STXBP5L: variants seen among roughly 807,000 people sequenced by gnomAD.
The protein encoded by STXBP5L is syntaxin-binding protein 5-like.
STXBP5L carries 65 observed loss-of-function variants against 144.5 expected under a neutral mutation model. The ratio of observed to expected loss-of-function variants is 0.45; its 90% CI spans 0.37 to 0.55. STXBP5L has a LOEUF of 0.55. STXBP5L is among the 20% of genes least tolerant of loss of function. STXBP5L has a pLI of 0.00. For missense variants in STXBP5L, 1,298 were observed against 1,405.5 expected (o/e 0.92, Z 1.22); for synonymous variants, 505 against 469.6 (o/e 1.08, Z -0.97).
rs571536242 is a variant in STXBP5L at position 121,415,842 on chromosome 3, G to A, written c.3115-15G>A. 2 of 1,562,950 alleles carry A rather than the reference G, an allele frequency of 1.3e-6. No homozygotes were observed. The highest frequency in any genetic ancestry group is 2.7e-5 in the African/African-American group (2 of 73,118). On this transcript the variant is annotated splice_polypyrimidine_tract_variant and intron_variant, in intron 24 of 26. Coordinates refer to ENST00000471454, the MANE Select transcript of STXBP5L (RefSeq NM_001308330.2). ...TTTAGTTGTTCTAATGCTTTTTTCT[G>A]TGAATTTGATGCAGGACATGCTAGG...
In STXBP5L at chr3:121,407,432, C is replaced by T. The variant is rs1181975396; in HGVS notation, c.2777C>T (p.Thr926Ile). ...CAAGAAATAGGAGATCATCAGTATA[C>T]AATAATCTGCTCAGAAAAACAAGCC... is the stretch of plus-strand genomic sequence containing the variant. Reference protein sequence around the residue: ...ASQEIGDHQYTIICSEKQAKV... With the variant: ...ASQEIGDHQYIIICSEKQAKV... Residue 926 changes from threonine to isoleucine, a missense_variant, in exon 23 of 27, where the codon ACA becomes ATA. Coordinates refer to ENST00000471454, the MANE Select transcript of STXBP5L (RefSeq NM_001308330.2). 1.2e-6 allele frequency: 2 copies of T among 1,613,252 alleles called. No individual in the cohort carries two copies. Among genetic ancestry groups the T allele is most frequent in the South Asian group, 1.1e-5 (1 of 91,064 alleles).
intron 5 of STXBP5L, among the ~76,000 whole-genome samples, chr3:121,095,075 G>C (rs955871956): frequency 5.3e-5 from 8 of 152,046 alleles, no homozygotes; most frequent in African/African-American, 1.4e-4. Flanking sequence ...TGAAATTCTG[G>C]GTTGAAAATT....
chr3:121,198,026 G>C (rs1394184004), intron 9 of STXBP5L, among the ~76,000 whole-genome samples: 2 of 152,132 alleles, frequency 1.3e-5, no homozygotes, highest in Non-Finnish European at 2.9e-5. Context: ...TGGGATTGCT[G>C]GGTCAAATGG....
intron 3 of STXBP5L, among the ~76,000 whole-genome samples, chr3:120,962,686 A>G (rs986735717): frequency 1.3e-5 from 2 of 152,126 alleles, no homozygotes; most frequent in African/African-American, 2.4e-5. Context: ...GTAGCCTTGT[A>G]GTATAGTTTG....
intron 25 of STXBP5L, among the ~76,000 whole-genome samples, chr3:121,416,982 C>CA (rs1284148885): frequency 6.6e-6 from 1 of 151,942 alleles, no homozygotes; most frequent in East Asian, 1.9e-4. Context: ...ATTATTTGGC[C>CA]ATGAAAAGGA....
At chr3:121,002,891 T>A (rs1045836421) in intron 3 of STXBP5L, among the ~76,000 whole-genome samples, 4 of 152,194 alleles carry the variant, frequency 2.6e-5, no homozygotes, top group Admixed American at 2.6e-4. Context: ...GAACTCATCA[T>A]TTTTTATGGC....
chr3:121,388,824 TTCA>T (rs2046496571), intron 22 of STXBP5L, among the ~76,000 whole-genome samples: 1 of 152,242 alleles, frequency 6.6e-6, no homozygotes, highest in Admixed American at 6.5e-5. Context: ...CACATCGATG[TTCA>T]TCACAGATAT....
At chr3:121,399,324 G>C (rs2046813780) in intron 22 of STXBP5L, among the ~76,000 whole-genome samples, 1 of 152,166 alleles carries the variant, frequency 6.6e-6, no homozygotes, top group African/African-American at 2.4e-5. Context: ...CATTGCTCCA[G>C]TGACCCTTCA....
intron 3 of STXBP5L, among the ~76,000 whole-genome samples, chr3:120,976,251 C>T (rs1479277860): frequency 6.6e-6 from 1 of 152,150 alleles, no homozygotes; most frequent in Non-Finnish European, 1.5e-5. Context: ...AGAGATTCAA[C>T]TTCTTCCTGG....
chr3:121,045,594 G>A, intron 5 of STXBP5L, 59 bp downstream of exon 5: 3 of 1,498,112 alleles, frequency 2.0e-6, no homozygotes, highest in South Asian at 2.5e-5. Flanking sequence ...TCCTGAGCAA[G>A]TTTTTGTTAA....
At chr3:121,247,891 C>T (rs778345408) in intron 14 of STXBP5L, among the ~76,000 whole-genome samples, 3 of 152,178 alleles carry the variant, frequency 2.0e-5, no homozygotes, top group South Asian at 2.1e-4. Context: ...ATCTCCCAAC[C>T]GCTTTCTACT....
intron 3 of STXBP5L, among the ~76,000 whole-genome samples, chr3:121,018,545 A>G (rs1576675693): frequency 6.9e-6 from 1 of 145,860 alleles, no homozygotes; most frequent in East Asian, 2.0e-4. Context: ...AAAAAAAAAA[A>G]TGCAGACACA....
intron 5 of STXBP5L, among the ~76,000 whole-genome samples, chr3:121,085,056 T>A (rs2042425072): frequency 1.3e-5 from 2 of 152,168 alleles, no homozygotes; most frequent in Non-Finnish European, 2.9e-5. Context: ...CACTGTTTGA[T>A]GGGGTTGATG....
intron 3 of STXBP5L, among the ~76,000 whole-genome samples, chr3:120,997,100 A>G (rs756904126): frequency 6.6e-6 from 1 of 151,744 alleles, no homozygotes; most frequent in Non-Finnish European, 1.5e-5. Context: ...CTCTAGCTCC[A>G]TCCATGTTAC....
rs1349810930 is a variant in STXBP5L at position 120,975,856 on chromosome 3, G to T, written c.287+20819G>T. 3.3e-5 allele frequency among the ~76,000 whole-genome samples: 5 copies of T among 152,070 alleles called. No individual in the cohort carries two copies. The South Asian group carries it at 6.2e-4, about 19-fold the overall frequency. On this transcript the variant is annotated intron_variant, in intron 3 of 26. Transcript: ENST00000471454. ...TATGCTGGATTACATTTATTGATTT[G>T]TGTATATTGAACCAGCCTTGCATCC...
chr3:121,255,136 T>C, intron 16 of STXBP5L, 24 bp downstream of exon 16: 1 of 1,528,138 alleles, frequency 6.5e-7, no homozygotes, highest in Non-Finnish European at 8.8e-7. Context: ...AATTTAACTT[T>C]CACTTTTACA....
At chr3:121,023,324 G>A (rs1432091349) in intron 3 of STXBP5L, among the ~76,000 whole-genome samples, 1 of 152,056 alleles carries the variant, frequency 6.6e-6, no homozygotes, top group African/African-American at 2.4e-5. Flanking sequence ...ACTTCCAAAA[G>A]CAATCTACAA....
chr3:120,939,590 T>C (rs1268610199), intron 2 of STXBP5L, among the ~76,000 whole-genome samples: 1 of 152,150 alleles, frequency 6.6e-6, no homozygotes, highest in Non-Finnish European at 1.5e-5. Flanking sequence ...CTGTTTGAAA[T>C]GCAAGTGTGT....
intron 7 of STXBP5L, among the ~76,000 whole-genome samples, chr3:121,128,492 C>T (rs1351880133): frequency 6.6e-6 from 1 of 152,062 alleles, no homozygotes; most frequent in Non-Finnish European, 1.5e-5. Context: ...AAAATATTAG[C>T]ATATTTGAGA....
Sources: gnomAD v4.1 joint callset for allele counts (sites outside exome capture counted in the v4.1 genomes callset) on GRCh38, gnomAD v4.1.1 for gene constraint, MANE v1.5 for transcripts, NCBI Gene and HGNC (gene_info 2026-07-23, HGNC 2026-07-21) for gene names.